The following SLC35A3 variants were observed in gnomAD, a reference collection of about 807,000 sequenced individuals.
The protein encoded by SLC35A3 is UDP-N-acetylglucosamine transporter.
SLC35A3 carries 26 observed loss-of-function variants against 39.0 expected under a neutral mutation model. The observed-to-expected ratio is 0.67, with a 90% CI of 0.49 to 0.92. The LOEUF (loss-of-function observed/expected upper bound fraction) is 0.92, where lower values mean the gene tolerates loss of function less well. SLC35A3 is among the 40% of genes least tolerant of loss of function. SLC35A3 has a pLI of 0.00. For missense variants in SLC35A3, 299 were observed against 371.6 expected, an observed-to-expected ratio of 0.80 and a Z score of 1.61; for synonymous variants, 135 against 133.1, an observed-to-expected ratio of 1.01 and a Z score of -0.10.
chr1:100,016,573 C>T (rs1237960591), intron 6 of SLC35A3, among the ~76,000 whole-genome samples: 1 of 151,518 alleles, frequency 6.6e-6, no homozygotes, highest in Non-Finnish European at 1.5e-5. Context: ...CGGGGTTTCA[C>T]TGTGTTAGCC....
chr1:99,982,138 G>A (rs1012230598), intron 1 of SLC35A3, among the ~76,000 whole-genome samples: 4 of 151,454 alleles, frequency 2.6e-5, no homozygotes, highest in African/African-American at 9.7e-5. Context: ...CTGAGTAGCT[G>A]GGATTACAGG....
intron 5 of SLC35A3, among the ~76,000 whole-genome samples, chr1:100,014,433 G>A (rs1659910928): frequency 6.6e-6 from 1 of 152,106 alleles, no homozygotes. Context: ...TGTTGCCTGG[G>A]TGGGTCTTAA....
At position 100,023,718 on chromosome 1, in the gene SLC35A3, TGCTGAGAAGGCCTGGCGCAGTG is replaced by T. The variant is rs1462963740; in HGVS notation, c.*1246_*1267del. The T allele has an allele frequency of 6.6e-6, 1 of 152,398 alleles. No homozygotes were observed. Among genetic ancestry groups the T allele is most frequent in the East Asian group, 1.9e-4 (1 of 5,206 alleles). 9.4% of individuals were successfully genotyped at this position (152,398 alleles called of 1,614,324 possible). A position where few individuals can be genotyped will look rare whatever the true frequency, so the allele number is the denominator to read the frequency against. On this transcript the variant is annotated 3_prime_UTR_variant, in exon 8 of 8. Transcript: ENST00000533028. ...TCCCTTTCTGTGTTCCCACAAGAGC[TGCTGAGAAGGCCTGGCGCAGTG>T]GCTCACGCCTGTAATCCTAGCAGTT...
At position 99,970,017 on chromosome 1, in the gene SLC35A3, A is replaced by C. The variant is rs999291489; in HGVS notation, c.-164A>C. On this transcript the variant is annotated 5_prime_UTR_variant, in exon 1 of 8. Coordinates refer to ENST00000533028, the MANE Select transcript of SLC35A3 (RefSeq NM_012243.3). ...ACCCGGAAACGCCTGGGCTGCACCG[A>C]GCTGGCGGTGGCTACGGCGACGGGA... 3 of 153,202 alleles carry C rather than the reference A, an allele frequency of 2.0e-5. No homozygotes were observed. Among genetic ancestry groups the C allele is most frequent in the African/African-American group, 7.2e-5 (3 of 41,466 alleles). 9.5% of individuals were successfully genotyped at this position (153,202 alleles called of 1,614,324 possible). A position where few individuals can be genotyped will look rare whatever the true frequency, so the allele number is the denominator to read the frequency against.
At chr1:100,016,900 G>T (rs192796478) in intron 6 of SLC35A3, among the ~76,000 whole-genome samples, 25 of 152,278 alleles carry the variant, frequency 1.6e-4, no homozygotes, top group African/African-American at 5.8e-4. Flanking sequence ...ATTCAATAGG[G>T]AGTAAATAGA....
At chr1:99,972,331 CTT>C (rs761559206) in intron 1 of SLC35A3, among the ~76,000 whole-genome samples, 11 of 131,968 alleles carry the variant, frequency 8.3e-5, no homozygotes, top group Admixed American at 2.3e-4. Context: ...GTACTTACTA[CTT>C]TTTTTTTTTT....
At chr1:100,021,971 T>C (rs1339215053) in intron 7 of SLC35A3, among the ~76,000 whole-genome samples, 2 of 152,252 alleles carry the variant, frequency 1.3e-5, no homozygotes, top group Non-Finnish European at 2.9e-5. Context: ...TTGAATGTAT[T>C]GTATACAAAA....
At chr1:99,979,011 A>T (rs776570214) in intron 1 of SLC35A3, 9 of 152,240 alleles carry the variant, frequency 5.9e-5, no homozygotes, top group Non-Finnish European at 1.0e-4. Flanking sequence ...TTGCTCAAGG[A>T]TGCTACACAA....
chr1:100,029,791 GAACAT>G lies in SLC35A3; in HGVS notation c.*7321_*7325del, dbSNP rs1427172389. The G allele has an allele frequency of 6.6e-6, 1 of 151,928 alleles. No homozygotes were observed. Among genetic ancestry groups the G allele is most frequent in the African/African-American group, 2.4e-5 (1 of 41,334 alleles). 9.4% of individuals were successfully genotyped at this position (151,928 alleles called of 1,614,324 possible). ...TTTAGAATATCTGTCAAATGATTCT[GAACAT>G]AACATGAATCTAGTGTGGAAAAATG... On this transcript the variant is annotated 3_prime_UTR_variant, in exon 8 of 8. Coordinates refer to ENST00000533028, the MANE Select transcript of SLC35A3 (RefSeq NM_012243.3).
At position 99,999,297 on chromosome 1, in the gene SLC35A3, A is replaced by G. The variant is rs772961593; in HGVS notation, c.224A>G (p.Asp75Gly). Residue 75 changes from aspartate to glycine, a missense_variant, in exon 3 of 8, where the codon GAT becomes GGT. Coordinates refer to ENST00000533028, the MANE Select transcript of SLC35A3 (RefSeq NM_012243.3). ...AGAGCACTGAATCGAGTACTACATGATGAAATTCTTAATAAACCTATGGAA... is the reference window on the plus strand; with the variant it reads ...AGAGCACTGAATCGAGTACTACATGGTGAAATTCTTAATAAACCTATGGAA... The part of the protein sequence containing the change: ...SLRALNRVLH[D>G]EILNKPMETL... The G allele has an allele frequency of 6.3e-7, 1 of 1,588,888 alleles. No individual in the cohort carries two copies. The highest frequency in any genetic ancestry group is 1.2e-5 in the South Asian group (1 of 86,956).
chr1:99,983,623 T>C (rs1401540979), intron 1 of SLC35A3, among the ~76,000 whole-genome samples: 2 of 151,886 alleles, frequency 1.3e-5, no homozygotes, highest in Non-Finnish European at 2.9e-5. Flanking sequence ...TAGGGAAATA[T>C]ATTATTTAAT....
chr1:99,992,052 G>A (rs1658120418), intron 1 of SLC35A3, among the ~76,000 whole-genome samples: 1 of 152,172 alleles, frequency 6.6e-6, no homozygotes, highest in South Asian at 2.1e-4. Context: ...CAGCCAGGTA[G>A]ATCATTTTTT....
chr1:99,987,592 A>T (rs1015796556), intron 1 of SLC35A3, among the ~76,000 whole-genome samples: 6 of 152,196 alleles, frequency 3.9e-5, no homozygotes, highest in Non-Finnish European at 5.9e-5. Context: ...TTAGGAATAG[A>T]TCTCTCTGTA....
chr1:100,024,774 C>T lies in SLC35A3; in HGVS notation c.*2298C>T, dbSNP rs539340837. 14 of 396,170 alleles carry T rather than the reference C, an allele frequency of 3.5e-5. No homozygotes were observed. Among genetic ancestry groups the T allele is most frequent in the Middle Eastern group, 6.3e-4 (1 of 1,588 alleles). The allele number at this position is 396,170 out of a possible 1,614,324, so 24.5% of individuals were successfully genotyped here. A position where few individuals can be genotyped will look rare whatever the true frequency, so the allele number is the denominator to read the frequency against. On this transcript the variant is annotated 3_prime_UTR_variant, in exon 8 of 8. Transcript: ENST00000533028. ...CTGGGATTGCAGGCGTGAGCCACTGCGCCCGGCCTATACTGTATATATTTT... is the reference window on the plus strand; with the variant it reads ...CTGGGATTGCAGGCGTGAGCCACTGTGCCCGGCCTATACTGTATATATTTT...
At chr1:100,005,941 T>C (rs1326065150) in intron 3 of SLC35A3, among the ~76,000 whole-genome samples, 1 of 152,244 alleles carries the variant, frequency 6.6e-6, no homozygotes, top group African/African-American at 2.4e-5. Context: ...TACATTGATA[T>C]CTGTGCATCT....
chr1:99,973,011 C>A (rs1557816270), intron 1 of SLC35A3, among the ~76,000 whole-genome samples: 1 of 152,140 alleles, frequency 6.6e-6, no homozygotes, highest in East Asian at 1.9e-4. Flanking sequence ...GAAACATGTG[C>A]CTTTTACTTA....
Position 100,015,384 on chromosome 1 carries a change from A to T in SLC35A3, c.717A>T (p.Gly239=), listed in dbSNP as rs1190646208. The T allele has an allele frequency of 6.2e-7, 1 of 1,613,266 alleles. No homozygotes were observed. Among genetic ancestry groups the T allele is most frequent in the South Asian group, 1.1e-5 (1 of 90,944 alleles). Residue 239 remains glycine (G), a synonymous_variant, in exon 6 of 8, where the codon GGA becomes GGT. Transcript: ENST00000533028. Reference sequence around the variant, plus strand: ...TATCAAAGAATGGATTTTTTCAGGGATATAACCGACTGACCTGGATAGTAG... The same window carrying T: ...TATCAAAGAATGGATTTTTTCAGGGTTATAACCGACTGACCTGGATAGTAG... ...ELVSKNGFFQ[G]YNRLTWIVVV... is the part of the protein sequence containing the mutation.
At chr1:99,983,856 C>T (rs894526737) in intron 1 of SLC35A3, among the ~76,000 whole-genome samples, 4 of 152,098 alleles carry the variant, frequency 2.6e-5, no homozygotes, top group East Asian at 1.9e-4. Flanking sequence ...CTCCTGACTG[C>T]GTGATCCGCC....
intron 7 of SLC35A3, among the ~76,000 whole-genome samples, chr1:100,019,464 A>C (rs575069369): frequency 6.6e-6 from 1 of 152,318 alleles, no homozygotes; most frequent in South Asian, 2.1e-4. Flanking sequence ...GAGAAGATGG[A>C]TTCTTTTTCC....
Sources: gnomAD v4.1 joint callset for allele counts (sites outside exome capture counted in the v4.1 genomes callset) on GRCh38, gnomAD v4.1.1 for gene constraint, MANE v1.5 for transcripts, NCBI Gene and HGNC (gene_info 2026-07-23, HGNC 2026-07-21) for gene names.